TUT4: variants seen among roughly 807,000 people sequenced by gnomAD.
The protein encoded by TUT4 is terminal uridylyltransferase 4.
In TUT4, 36 loss-of-function variants were observed where a neutral mutation model predicts 192.2. That is an observed-to-expected ratio of 0.19 (90% CI 0.14 to 0.25). The LOEUF is 0.25. TUT4 is among the 10% of genes least tolerant of loss of function. The pLI, the probability that TUT4 is intolerant of heterozygous loss-of-function variation, is 1.00. For synonymous variants in TUT4, 618 were observed against 666.0 expected (o/e 0.93, Z 1.11); for missense variants, 1,493 against 1,957.2 (o/e 0.76, Z 4.47).
intron 20 of TUT4, among the ~76,000 whole-genome samples, chr1:52,455,735 G>T (rs964926052): frequency 1.3e-5 from 2 of 151,222 alleles, no homozygotes; most frequent in Non-Finnish European, 2.9e-5. Context: ...CTAAAGGAAA[G>T]AAAGAAAGAC....
intron 15 of TUT4, among the ~76,000 whole-genome samples, chr1:52,466,676 A>ATT (rs1216020416): frequency 2.9e-5 from 4 of 137,746 alleles, no homozygotes; most frequent in African/African-American, 9.1e-5. Flanking sequence ...ATATATATAT[A>ATT]TATATATTTT....
chr1:52,486,415 G>C (rs960770768), intron 9 of TUT4, among the ~76,000 whole-genome samples: 2 of 151,912 alleles, frequency 1.3e-5, no homozygotes, highest in Non-Finnish European at 2.9e-5. Context: ...AACTACTTAA[G>C]ACAGCCAGAG....
At chr1:52,462,838 T>C (rs1662999377) in intron 16 of TUT4, 16 of 985,300 alleles carry the variant, frequency 1.6e-5, no homozygotes, top group African/African-American at 3.5e-5. Flanking sequence ...ATAATCATAA[T>C]ACATAATGAT....
chr1:52,461,447 T>C (rs982628554), intron 18 of TUT4, 66 bp downstream of exon 18: 17 of 1,448,126 alleles, frequency 1.2e-5, no homozygotes, highest in Non-Finnish European at 1.4e-5. Flanking sequence ...GTTTTAAACA[T>C]AGAGTCAGTA....
intron 4 of TUT4, among the ~76,000 whole-genome samples, chr1:52,509,283 C>T (rs1052831381): frequency 1.4e-4 from 22 of 152,176 alleles, no homozygotes; most frequent in African/African-American, 5.3e-4. Context: ...AGGGCAGGAA[C>T]CACAACTATC....
chr1:52,452,157 TAAAGA>T (rs1333591127), intron 20 of TUT4, among the ~76,000 whole-genome samples: 1 of 152,020 alleles, frequency 6.6e-6, no homozygotes, highest in Non-Finnish European at 1.5e-5. Flanking sequence ...ACATTGTAAG[TAAAGA>T]AAACTACAGA....
intron 26 of TUT4, among the ~76,000 whole-genome samples, chr1:52,436,103 G>A (rs931778123): frequency 2.0e-5 from 3 of 152,198 alleles, no homozygotes; most frequent in African/African-American, 4.8e-5. Flanking sequence ...ACAGCAGTGG[G>A]AAGAAATATA....
At chr1:52,520,713 T>C (rs953077473) in intron 2 of TUT4, among the ~76,000 whole-genome samples, 2 of 152,202 alleles carry the variant, frequency 1.3e-5, no homozygotes, top group Admixed American at 6.5e-5. Flanking sequence ...ATACCAACAG[T>C]AGCATCATTC....
intron 5 of TUT4, 36 bp downstream of exon 5, chr1:52,496,970 G>C: frequency 6.3e-7 from 1 of 1,592,812 alleles, no homozygotes; most frequent in Middle Eastern, 1.7e-4. Context: ...GAAGAGTTTT[G>C]TGATTTTCAA....
Position 52,525,741 on chromosome 1 carries a change from A to T in TUT4, c.540T>A (p.Ile180=). The change falls in exon 2 of 30, where the codon ATT becomes ATA. Residue 180 remains isoleucine (I), a synonymous_variant. Transcript: ENST00000257177. ...DMRQKTELQQ[I]GKKIPSSFTS... is the part of the protein sequence containing the mutation. ...TAAAGGAGCTTGGAATTTTTTTTCC[A>T]ATCTGTTGTAATTCTGTCTTCTGTC... The T allele has an allele frequency of 6.2e-7, 1 of 1,614,106 alleles. No homozygotes were observed.
chr1:52,521,673 A>C (rs1246959034), intron 2 of TUT4, among the ~76,000 whole-genome samples: 2 of 148,778 alleles, frequency 1.3e-5, no homozygotes, highest in Non-Finnish European at 3.0e-5. Flanking sequence ...AAAAAACAAC[A>C]AAAAAAAGAC....
intron 24 of TUT4, among the ~76,000 whole-genome samples, chr1:52,444,023 G>A (rs1001873023): frequency 6.6e-6 from 1 of 152,198 alleles, no homozygotes; most frequent in Non-Finnish European, 1.5e-5. Flanking sequence ...GGATCATGAG[G>A]TCAGGAGATT....
rs1181677125 is a variant in TUT4 at position 52,458,318 on chromosome 1, GT to G, written c.3435+17del. On this transcript the variant is annotated intron_variant, in intron 20 of 29. Coordinates refer to ENST00000257177, the MANE Select transcript of TUT4 (RefSeq NM_001009881.3). ...TGTTTTCAAAAAAAACTCCTTTATA[GT>G]TTTCTTAAACACCTACCTCTTGTAG... 6.3e-7 allele frequency: 1 copy of G among 1,595,118 alleles called. No homozygotes were observed. Among genetic ancestry groups the G allele is most frequent in the South Asian group, 1.1e-5 (1 of 89,012 alleles).
chr1:52,479,097 C>T (rs953348522), intron 11 of TUT4, among the ~76,000 whole-genome samples: 8 of 151,854 alleles, frequency 5.3e-5, no homozygotes, highest in Admixed American at 6.6e-5. Flanking sequence ...TGAGAAGGTA[C>T]GGTTTAAGAA....
At chr1:52,525,125 C>T (rs960780386) in intron 2 of TUT4, among the ~76,000 whole-genome samples, 4 of 151,972 alleles carry the variant, frequency 2.6e-5, no homozygotes, top group African/African-American at 9.7e-5. Context: ...TGGAAGCTTC[C>T]TTGAAGTTTA....
At chr1:52,479,799 C>T (rs1174130614) in intron 11 of TUT4, among the ~76,000 whole-genome samples, 4 of 151,898 alleles carry the variant, frequency 2.6e-5, no homozygotes, top group Admixed American at 2.6e-4. Flanking sequence ...TTGAGACCAT[C>T]CTGGCTAACA....
chr1:52,549,767 G>A (rs943422244), intron 1 of TUT4, among the ~76,000 whole-genome samples: 1 of 151,924 alleles, frequency 6.6e-6, no homozygotes, highest in African/African-American at 2.4e-5. Flanking sequence ...CCTATAAACA[G>A]GTTTCAAAGG....
intron 1 of TUT4, among the ~76,000 whole-genome samples, chr1:52,542,853 C>G (rs1271919719): frequency 6.6e-6 from 1 of 152,080 alleles, no homozygotes; most frequent in Non-Finnish European, 1.5e-5. Context: ...CCTCCGCCTC[C>G]CAGGTTCAAG....
intron 24 of TUT4, among the ~76,000 whole-genome samples, chr1:52,441,282 C>CTT (rs201555130): frequency 1.4e-4 from 17 of 118,192 alleles, no homozygotes; most frequent in East Asian, 2.4e-4. Flanking sequence ...GGGCATATGG[C>CTT]TTTTTTTTTT....
Sources: allele counts gnomAD v4.1 joint callset (sites outside exome capture counted in the v4.1 genomes callset), GRCh38; gene constraint gnomAD v4.1.1; transcripts MANE v1.5; gene names NCBI Gene and HGNC (gene_info 2026-07-23, HGNC 2026-07-21).